KRT73: variants seen among roughly 807,000 people sequenced by gnomAD.
KRT73 encodes keratin 73.
A neutral mutation model predicts 47.2 loss-of-function variants in KRT73; 44 were observed. The ratio of observed to expected loss-of-function variants is 0.93; its 90% CI spans 0.73 to 1.20. The LOEUF is 1.20. Ranked by LOEUF, KRT73 falls within the 50% of genes most tolerant of loss-of-function variation. The probability of loss-of-function intolerance (pLI) is 0.00; values close to 1 mark genes in which losing one functional copy is unlikely to be tolerated. For synonymous variants in KRT73, 285 were observed against 291.3 expected (o/e 0.98, Z 0.22); for missense variants, 713 against 704.5 (o/e 1.01, Z -0.14).
At chr12:52,621,724 T>C (rs1193233531), upstream of KRT73, among the ~76,000 whole-genome samples, 2 of 151,980 alleles carry the variant, frequency 1.3e-5, no homozygotes, top group Non-Finnish European at 2.9e-5. Context: ...ACACAGAAAA[T>C]ACTATGGTTT....
upstream of KRT73, among the ~76,000 whole-genome samples, chr12:52,621,294 G>GAT (rs979224048): frequency 7.1e-6 from 1 of 140,158 alleles, no homozygotes; most frequent in Non-Finnish European, 1.5e-5. Context: ...AAAGAAAGGG[G>GAT]GGGGGGGGGA....
At chr12:52,615,813 C>T (rs922484390) in intron 2 of KRT73, among the ~76,000 whole-genome samples, 1 of 152,168 alleles carries the variant, frequency 6.6e-6, no homozygotes, top group Admixed American at 6.5e-5. Context: ...ACAGGAACTC[C>T]ACCTCCTTCC....
At chr12:52,616,456 T>A in intron 1 of KRT73, 76 bp from the exon 2 acceptor site, 1 of 1,562,896 alleles carries the variant, frequency 6.4e-7, no homozygotes, top group African/African-American at 1.4e-5. Flanking sequence ...AGGAACTGTG[T>A]TTTCTTATGC....
At chr12:52,628,436 C>T in the KRT73 span, among the ~76,000 whole-genome samples, 8 of 152,056 alleles carry the variant, frequency 5.3e-5, no homozygotes, top group East Asian at 1.9e-4. Context: ...TCTACGAATC[C>T]GTGGAAGGCA....
chr12:52,618,099 C>T lies in KRT73; in HGVS notation c.426G>A (p.Lys142=), dbSNP rs2120882042. Reference sequence around the variant, plus strand: ...CCACCTTGTCAATGAAGGAGGCGAACTTGTTGTTCAGCACCTTGATCTGCT... The same window carrying T: ...CCACCTTGTCAATGAAGGAGGCGAATTTGTTGTTCAGCACCTTGATCTGCT... The part of the protein sequence containing the change: ...EREQIKVLNN[K]FASFIDKVRF... Residue 142 remains lysine (K), a synonymous_variant, in exon 1 of 9, where the codon AAG becomes AAA. Coordinates refer to ENST00000305748, the MANE Select transcript of KRT73 (RefSeq NM_175068.3). 3 of 1,613,698 alleles carry T rather than the reference C, an allele frequency of 1.9e-6. No individual in the cohort carries two copies. The highest frequency in any genetic ancestry group is 2.5e-6 in the Non-Finnish European group (3 of 1,179,880).
chr12:52,617,936 A>C (rs1940843520), intron 1 of KRT73, 142 bp downstream of exon 1: 7 of 931,812 alleles, frequency 7.5e-6, no homozygotes, highest in Non-Finnish European at 9.7e-6. Flanking sequence ...GGGAGCTTTC[A>C]AGTTGTTTAC....
At chr12:52,629,697 T>A in the KRT73 span, among the ~76,000 whole-genome samples, 1 of 152,340 alleles carries the variant, frequency 6.6e-6, no homozygotes, top group Non-Finnish European at 1.5e-5. Context: ...CCTGTTCGCA[T>A]GAAAACAGAA....
intron 3 of KRT73, 30 bp from the exon 4 acceptor site, chr12:52,614,704 A>C (rs1592244242): frequency 1.3e-6 from 2 of 1,583,376 alleles, no homozygotes; most frequent in Non-Finnish European, 1.7e-6. Context: ...CCCTGACCTC[A>C]CCTTTCTTCA....
At chr12:52,615,087 C>T (rs748933299) in intron 3 of KRT73, 192 bp downstream of exon 3, 2 of 553,806 alleles carry the variant, frequency 3.6e-6, no homozygotes, top group Non-Finnish European at 3.2e-6. Context: ...AGGTTCCTGT[C>T]CACAGACAAA....
In KRT73 at chr12:52,616,120, G is replaced by A. The variant is rs761654267; in HGVS notation, c.662+46C>T. 4 of 1,607,726 alleles carry A rather than the reference G, an allele frequency of 2.5e-6. No homozygotes were observed. In the South Asian group the frequency reaches 3.3e-5, roughly 13 times the overall value. On this transcript the variant is annotated intron_variant, in intron 2 of 8. Coordinates refer to ENST00000305748, the MANE Select transcript of KRT73 (RefSeq NM_175068.3). The stretch of plus-strand genomic sequence containing the variant: ...AAACATCCCAGTGCCTGCTGGGAAA[G>A]CCTCACCCTGGGAGGCAGACCAGCC...
Position 52,613,714 on chromosome 12 carries a change from C to G in KRT73, c.958G>C (p.Glu320Gln). 1 of 1,614,166 alleles carries G rather than the reference C, an allele frequency of 6.2e-7. No individual in the cohort carries two copies. Among genetic ancestry groups the G allele is most frequent in the Non-Finnish European group, 8.5e-7 (1 of 1,180,012 alleles). Reference sequence around the variant, plus strand: ...TTGGTCTGGTACAGGGCCTCGGCCTCGGCCTTGCTCTTCCGGGCGATCTCC... The same window carrying G: ...TTGGTCTGGTACAGGGCCTCGGCCTGGGCCTTGCTCTTCCGGGCGATCTCC... ...YEEIARKSKAEAEALYQTKFQ... is the reference protein window; with the variant it reads ...YEEIARKSKAQAEALYQTKFQ... The change falls in exon 5 of 9, where the codon GAG becomes CAG. Residue 320 changes from glutamate (E) to glutamine (Q), a missense_variant. By Grantham distance (29) the Glu-to-Gln change is conservative. Transcript: ENST00000305748.
At position 52,618,388 on chromosome 12, in the gene KRT73, C is replaced by T. The variant is rs778008682; in HGVS notation, c.137G>A (p.Arg46Gln). Residue 46 changes from arginine to glutamine, a missense_variant, in exon 1 of 9, where the codon CGG (arginine) becomes CAG (glutamine). Arg to Gln is a conservative substitution (Grantham distance 43). Coordinates refer to ENST00000305748, the MANE Select transcript of KRT73 (RefSeq NM_175068.3). Reference sequence around the variant, plus strand: ...GGCACCCCCCAGGCTGTAAAGGCTCCGACTGCTGAAGCCTCCACTGAGCCC... The same window carrying T: ...GGCACCCCCCAGGCTGTAAAGGCTCTGACTGCTGAAGCCTCCACTGAGCCC... Reference protein sequence around the residue: ...GKGLSGGFSSRSLYSLGGARS... With the variant: ...GKGLSGGFSSQSLYSLGGARS... The T allele has an allele frequency of 1.7e-5, 28 of 1,614,086 alleles. No individual in the cohort carries two copies. The highest frequency in any genetic ancestry group is 3.3e-4 in the Middle Eastern group (2 of 6,084).
At position 52,608,005 on chromosome 12, in the gene KRT73, T is replaced by C. The variant is rs1940617333; in HGVS notation, c.*191A>G. On this transcript the variant is annotated 3_prime_UTR_variant, in exon 9 of 9. Coordinates refer to ENST00000305748, the MANE Select transcript of KRT73 (RefSeq NM_175068.3). ...TTTGGATGGAGGCAGAAAGATGGGC[T>C]CCAGCTCTCAAATCCTGATTCAACA... 1.6e-6 allele frequency: 1 copy of C among 627,300 alleles called. No homozygotes were observed. Among genetic ancestry groups the C allele is most frequent in the South Asian group, 2.5e-5 (1 of 40,274 alleles). 38.9% of individuals were successfully genotyped at this position (627,300 alleles called of 1,614,324 possible).
chr12:52,613,654 G>T, intron 5 of KRT73, 34 bp downstream of exon 5: 4 of 1,612,124 alleles, frequency 2.5e-6, no homozygotes, highest in Non-Finnish European at 3.4e-6. Flanking sequence ...AGAGGGCCCT[G>T]CATACTTCAC....
chr12:52,619,188 A>G (rs1940866691), upstream of KRT73, among the ~76,000 whole-genome samples: 1 of 152,204 alleles, frequency 6.6e-6, no homozygotes, highest in African/African-American at 2.4e-5. Flanking sequence ...TCCTTTGCAC[A>G]CACTGACTTC....
At chr12:52,614,300 G>A in intron 4 of KRT73, 1 of 406,890 alleles carries the variant, frequency 2.5e-6, no homozygotes, top group Non-Finnish European at 4.4e-6. Context: ...ACAGAGAGAA[G>A]AGAAGCAGGA....
upstream of KRT73, chr12:52,618,596 T>G (rs537964209): frequency 7.2e-5 from 107 of 1,484,516 alleles, no homozygotes; most frequent in African/African-American, 1.4e-3. Context: ...CCTGTGATCC[T>G]GGGCTCCCAC....
chr12:52,628,147 G>C, the KRT73 span, among the ~76,000 whole-genome samples: 1 of 152,114 alleles, frequency 6.6e-6, no homozygotes, highest in Admixed American at 6.5e-5. Flanking sequence ...CAGGGCTCTA[G>C]TCACACCCCT....
rs980544178 is a variant in KRT73, at chr12:52,610,842, T to C, written c.1111-7A>G. The C allele has an allele frequency of 6.2e-7, 1 of 1,607,190 alleles. No homozygotes were observed. The highest frequency in any genetic ancestry group is 8.5e-7 in the Non-Finnish European group (1 of 1,177,264). On this transcript the variant is annotated splice_polypyrimidine_tract_variant and splice_region_variant and intron_variant, in intron 6 of 8. Coordinates refer to ENST00000305748, the MANE Select transcript of KRT73 (RefSeq NM_175068.3). ...CCGTCTCCAGGTTGGCACACTGGGG[T>C]CAGGAGGTAGCATTTCTCCCTGAGT...
Sources: allele counts gnomAD v4.1 joint callset (sites outside exome capture counted in the v4.1 genomes callset), GRCh38; gene constraint gnomAD v4.1.1; transcripts MANE v1.5; gene names NCBI Gene and HGNC (gene_info 2026-07-23, HGNC 2026-07-21).